RGS20: variants seen among roughly 807,000 people sequenced by gnomAD.
The protein encoded by RGS20 is gz-selective GTPase-activating protein.
In RGS20, 30 loss-of-function variants were observed where a neutral mutation model predicts 33.6. That is an observed-to-expected ratio of 0.89 (90% CI 0.67 to 1.21). The LOEUF (loss-of-function observed/expected upper bound fraction) is 1.21. Among genes scored for constraint, RGS20 ranks in the 50% most tolerant of loss-of-function variants. RGS20 has a pLI of 0.00. For synonymous variants in RGS20, 208 were observed against 197.9 expected, an observed-to-expected ratio of 1.05 and a Z score of -0.43; for missense variants, 472 against 502.4, an observed-to-expected ratio of 0.94 and a Z score of 0.58.
chr8:53,880,057 C>G (rs1812315670), intron 2 of RGS20: 1 of 156,516 alleles, frequency 6.4e-6, no homozygotes, highest in Admixed American at 6.5e-5. Flanking sequence ...CCAGCTTCAG[C>G]TTAGCCCTCC....
intron 2 of RGS20, among the ~76,000 whole-genome samples, chr8:53,888,915 G>A (rs948196934): frequency 2.0e-5 from 3 of 152,130 alleles, no homozygotes; most frequent in Non-Finnish European, 4.4e-5. Context: ...GCTGTGCAGC[G>A]TTCCTTTGTG....
At chr8:53,909,203 A>ATGTG (rs201686606) in intron 2 of RGS20, among the ~76,000 whole-genome samples, 4 of 57,326 alleles carry the variant, frequency 7.0e-5, no homozygotes, top group South Asian at 8.5e-4. Flanking sequence ...CCATTATGGT[A>ATGTG]TGTGTGTATA....
intron 2 of RGS20, among the ~76,000 whole-genome samples, chr8:53,904,030 A>G (rs1813100472): frequency 6.6e-6 from 1 of 152,066 alleles, no homozygotes; most frequent in Admixed American, 6.6e-5. Flanking sequence ...GTTGAGGATG[A>G]TGAGTTTTCT....
rs556540813 is a variant in RGS20, at chr8:53,882,789, G to C, written c.510+3187G>C. On this transcript the variant is annotated intron_variant, in intron 2 of 5. Transcript: ENST00000297313. ...CAGGACCCTCGCCCACTGGCTAGCG[G>C]AATTAGGCACCTGCACGCGGGCTCC... Among the ~76,000 whole-genome samples the C allele has an allele frequency of 9.5e-4, 144 of 152,298 alleles. 1 individual carries two copies. The highest frequency in any genetic ancestry group is 3.3e-3 in the African/African-American group (137 of 41,580).
intron 1 of RGS20, among the ~76,000 whole-genome samples, chr8:53,858,232 GT>G (rs1297039623): frequency 1.3e-5 from 2 of 152,068 alleles, no homozygotes; most frequent in Non-Finnish European, 2.9e-5. Context: ...GCTCACGTCT[GT>G]AGTCCCAGCG....
At chr8:53,950,750 G>A (rs1455165548) in intron 4 of RGS20, among the ~76,000 whole-genome samples, 1 of 151,984 alleles carries the variant, frequency 6.6e-6, no homozygotes, top group Non-Finnish European at 1.5e-5. Flanking sequence ...GAGTACCTGG[G>A]ACTACAGGCA....
intron 3 of RGS20, among the ~76,000 whole-genome samples, chr8:53,940,662 A>G (rs539097268): frequency 2.0e-5 from 3 of 152,244 alleles, no homozygotes; most frequent in African/African-American, 4.8e-5. Context: ...AGAAGTTCCA[A>G]TCTGGTGGAA....
chr8:53,932,367 G>C (rs1813997393), intron 2 of RGS20, among the ~76,000 whole-genome samples: 1 of 152,184 alleles, frequency 6.6e-6, no homozygotes, highest in Non-Finnish European at 1.5e-5. Flanking sequence ...AGCAAGCTAA[G>C]ATCCAATGGC....
chr8:53,873,785 T>C (rs532214774), intron 1 of RGS20, among the ~76,000 whole-genome samples: 1 of 152,344 alleles, frequency 6.6e-6, no homozygotes, highest in African/African-American at 2.4e-5. Flanking sequence ...AAAACTGTAT[T>C]GCAGAGAGGA....
chr8:53,906,022 A>G (rs1303779815), intron 2 of RGS20, among the ~76,000 whole-genome samples: 2 of 152,072 alleles, frequency 1.3e-5, no homozygotes, highest in Admixed American at 6.5e-5. Flanking sequence ...AGAGGCATGC[A>G]TGGGGCTGAG....
chr8:53,865,313 C>T (rs754890744), intron 1 of RGS20, among the ~76,000 whole-genome samples: 3 of 152,212 alleles, frequency 2.0e-5, no homozygotes, highest in African/African-American at 4.8e-5. Context: ...AAACCTCATA[C>T]CTTCAGGGTC....
intron 2 of RGS20, among the ~76,000 whole-genome samples, chr8:53,910,044 C>T (rs1270144709): frequency 2.6e-5 from 4 of 152,106 alleles, no homozygotes; most frequent in African/African-American, 7.2e-5. Context: ...GTTACATTAT[C>T]AAACAGAAAG....
At chr8:53,941,953 C>T (rs892893057) in intron 3 of RGS20, among the ~76,000 whole-genome samples, 2 of 152,036 alleles carry the variant, frequency 1.3e-5, no homozygotes, top group Admixed American at 6.6e-5. Flanking sequence ...CTACATAGCA[C>T]CATATACAAA....
intron 1 of RGS20, among the ~76,000 whole-genome samples, chr8:53,860,519 A>C (rs1183289854): frequency 6.6e-6 from 1 of 152,252 alleles, no homozygotes; most frequent in East Asian, 1.9e-4. Context: ...GCAAGGAGGC[A>C]GGAGGCTAGC....
chr8:53,858,159 G>A (rs1162589570), intron 1 of RGS20, among the ~76,000 whole-genome samples: 1 of 152,138 alleles, frequency 6.6e-6, no homozygotes, highest in Non-Finnish European at 1.5e-5. Context: ...ACCAGCTAAT[G>A]CCTTTCAAAG....
intron 2 of RGS20, among the ~76,000 whole-genome samples, chr8:53,901,868 A>G (rs1047929358): frequency 6.6e-6 from 1 of 152,178 alleles, no homozygotes; most frequent in African/African-American, 2.4e-5. Context: ...TTAAAAAAGG[A>G]AAACATTATA....
intron 2 of RGS20, chr8:53,881,078 T>TG: frequency 6.5e-7 from 1 of 1,527,058 alleles, no homozygotes; most frequent in Non-Finnish European, 8.7e-7. Context: ...GGGTGGACGG[T>TG]GGGCTCGTGA....
chr8:53,956,870 G>A (rs998036913), intron 5 of RGS20, among the ~76,000 whole-genome samples: 3 of 152,018 alleles, frequency 2.0e-5, no homozygotes, highest in African/African-American at 7.3e-5. Flanking sequence ...AAAACAGGCC[G>A]GGCACAGTGG....
chr8:53,936,717 A>G (rs995683824), intron 2 of RGS20, among the ~76,000 whole-genome samples: 1 of 152,210 alleles, frequency 6.6e-6, no homozygotes. Context: ...TCAAGCTACC[A>G]CTGACTTTCT....
Sources: gnomAD v4.1 joint callset for allele counts (sites outside exome capture counted in the v4.1 genomes callset) on GRCh38, gnomAD v4.1.1 for gene constraint, MANE v1.5 for transcripts, NCBI Gene and HGNC (gene_info 2026-07-23, HGNC 2026-07-21) for gene names.